Variants in GRIN2B observed in about 807,000 individuals in gnomAD.
The protein encoded by GRIN2B is glutamate ionotropic receptor NMDA type subunit 2B.
In GRIN2B, 5 loss-of-function variants were observed where a neutral mutation model predicts 114.5. The ratio of observed to expected loss-of-function variants is 0.04; its 90% CI spans 0.02 to 0.09. The LOEUF (loss-of-function observed/expected upper bound fraction) is 0.09. Among genes scored for constraint, GRIN2B ranks in the 10% least tolerant of loss-of-function variants. The pLI, the probability that GRIN2B is intolerant of heterozygous loss-of-function variation, is 1.00. For missense variants in GRIN2B, 1,108 were observed against 1,943.5 expected (o/e 0.57, Z 8.08); for synonymous variants, 787 against 745.1 (o/e 1.06, Z -0.92).
chr12:13,957,712 C>G (rs1302094649), intron 2 of GRIN2B, among the ~76,000 whole-genome samples: 1 of 152,158 alleles, frequency 6.6e-6, no homozygotes, highest in South Asian at 2.1e-4. Context: ...GCCGACTCCC[C>G]AGCACAGCAG....
chr12:13,894,267 G>A (rs1222535655), intron 2 of GRIN2B, among the ~76,000 whole-genome samples: 1 of 152,188 alleles, frequency 6.6e-6, no homozygotes, highest in Non-Finnish European at 1.5e-5. Flanking sequence ...GGCAGAAAAA[G>A]CTTTATATAC....
At position 13,562,699 on chromosome 12, in the gene GRIN2B, C is replaced by T. The variant is rs900906898; in HGVS notation, c.*84G>A. ...AAGGAGCAAATGGGAACCAAGTTCACCCCCGTCACCCTCCGTGACATGCGC... is the reference window on the plus strand; with the variant it reads ...AAGGAGCAAATGGGAACCAAGTTCATCCCCGTCACCCTCCGTGACATGCGC... On this transcript the variant is annotated 3_prime_UTR_variant, in exon 14 of 14. Coordinates refer to ENST00000609686, the MANE Select transcript of GRIN2B (RefSeq NM_000834.5). The T allele has an allele frequency of 5.3e-6, 6 of 1,135,558 alleles. No homozygotes were observed. The highest frequency in any genetic ancestry group is 5.1e-5 in the Admixed American group (3 of 58,832). 70.3% of individuals were successfully genotyped at this position (1,135,558 alleles called of 1,614,324 possible). A position where few individuals can be genotyped will look rare whatever the true frequency, so the allele number is the denominator to read the frequency against.
chr12:13,978,143 T>A (rs1400039994), intron 2 of GRIN2B, among the ~76,000 whole-genome samples: 1 of 152,204 alleles, frequency 6.6e-6, no homozygotes, highest in Non-Finnish European at 1.5e-5. Context: ...GCCCCATCAA[T>A]GCCCTCCTCT....
intron 3 of GRIN2B, among the ~76,000 whole-genome samples, chr12:13,757,083 C>T (rs1017683751): frequency 6.6e-6 from 1 of 152,202 alleles, no homozygotes; most frequent in Non-Finnish European, 1.5e-5. Flanking sequence ...CCTGATTCCT[C>T]TGCTCCGATT....
rs537442718 is a variant in GRIN2B, at chr12:13,919,411, A to T, written c.-18-53185T>A. Among the ~76,000 whole-genome samples, 4 of 152,300 alleles carry T rather than the reference A, an allele frequency of 2.6e-5. No individual in the cohort carries two copies. In the East Asian group the frequency reaches 7.7e-4, roughly 29 times the overall value. ...ATAAATTGAATCATTTGTTTCTCTC[A>T]CAACTTTTCTAAAATTCAAACTCTT... is the stretch of plus-strand genomic sequence containing the variant. On this transcript the variant is annotated intron_variant, in intron 2 of 13. Coordinates refer to ENST00000609686, the MANE Select transcript of GRIN2B (RefSeq NM_000834.5).
At chr12:13,656,558 T>C (rs1236903208) in intron 5 of GRIN2B, among the ~76,000 whole-genome samples, 1 of 152,170 alleles carries the variant, frequency 6.6e-6, no homozygotes, top group Non-Finnish European at 1.5e-5. Context: ...CTCTAGGTTG[T>C]TATTACTGAG....
Position 13,610,334 on chromosome 12 carries a change from G to T in GRIN2B, c.1780+1391C>A, listed in dbSNP as rs144410530. 3.2e-4 allele frequency among the ~76,000 whole-genome samples: 48 copies of T among 152,274 alleles called. No homozygotes were observed. In the East Asian group the frequency reaches 8.1e-3, roughly 26 times the overall value. ...GTAAAGTGAGTAATTGTAAGCCCTC[G>T]CTCTGAGCTTTCTTTGCAAATCTGG... On this transcript the variant is annotated intron_variant, in intron 9 of 13. Transcript: ENST00000609686.
intron 8 of GRIN2B, among the ~76,000 whole-genome samples, chr12:13,613,956 G>T (rs1228582858): frequency 6.9e-6 from 1 of 143,936 alleles, no homozygotes; most frequent in Non-Finnish European, 1.5e-5. Context: ...ATACTGACAA[G>T]GTTAGAATTA....
chr12:13,611,570 G>A (rs1028929522), intron 9 of GRIN2B, among the ~76,000 whole-genome samples, 155 bp downstream of exon 9: 18 of 152,190 alleles, frequency 1.2e-4, no homozygotes, highest in Non-Finnish European at 2.1e-4. Context: ...TATTTCTAAA[G>A]AGACGCCAAG....
chr12:13,642,758 G>A (rs1028236601), intron 5 of GRIN2B, among the ~76,000 whole-genome samples: 9 of 151,384 alleles, frequency 5.9e-5, no homozygotes, highest in African/African-American at 2.2e-4. Flanking sequence ...TTTCTCATGA[G>A]GTCCCCATCT....
At chr12:13,714,202 G>T (rs1182890513) in intron 4 of GRIN2B, among the ~76,000 whole-genome samples, 1 of 151,392 alleles carries the variant, frequency 6.6e-6, no homozygotes. Flanking sequence ...AAGTCTTATT[G>T]GGTGCTACCT....
chr12:13,603,791 C>A (rs1949199298), intron 10 of GRIN2B, among the ~76,000 whole-genome samples: 1 of 151,892 alleles, frequency 6.6e-6, no homozygotes, highest in Non-Finnish European at 1.5e-5. Flanking sequence ...CTGAGATTAG[C>A]TACAGGAGAA....
At chr12:13,905,076 T>C (rs1866515570) in intron 2 of GRIN2B, among the ~76,000 whole-genome samples, 1 of 152,206 alleles carries the variant, frequency 6.6e-6, no homozygotes, top group South Asian at 2.1e-4. Context: ...GCCATGTTTT[T>C]AAGTATGTAC....
At chr12:13,703,412 G>C (rs927058423) in intron 4 of GRIN2B, among the ~76,000 whole-genome samples, 1 of 152,092 alleles carries the variant, frequency 6.6e-6, no homozygotes, top group Admixed American at 6.6e-5. Context: ...AAAAAATGCA[G>C]TTAAGAAAAA....
Position 13,941,728 on chromosome 12 carries a change from G to T in GRIN2B, c.-19+38200C>A, listed in dbSNP as rs571900412. Among the ~76,000 whole-genome samples the T allele has an allele frequency of 6.6e-5, 10 of 152,354 alleles. No individual in the cohort carries two copies. In the East Asian group the frequency reaches 1.9e-3, roughly 29 times the overall value. ...GACCATCACTGCAGATTTCCAGTCT[G>T]TTAGCGTCCTAAGGACAAATGAAAA... On this transcript the variant is annotated intron_variant, in intron 2 of 13. Transcript: ENST00000609686.
chr12:13,651,641 C>T (rs1949814247), intron 5 of GRIN2B, among the ~76,000 whole-genome samples: 1 of 151,964 alleles, frequency 6.6e-6, no homozygotes, highest in African/African-American at 2.4e-5. Flanking sequence ...CTGATATTTC[C>T]CACTCAGTGT....
At chr12:13,654,067 T>C (rs1949841730) in intron 5 of GRIN2B, among the ~76,000 whole-genome samples, 1 of 152,116 alleles carries the variant, frequency 6.6e-6, no homozygotes, top group Non-Finnish European at 1.5e-5. Context: ...TACCTATGCT[T>C]CCAGTATTTT....
intron 2 of GRIN2B, among the ~76,000 whole-genome samples, chr12:13,933,106 C>G (rs1867068571): frequency 6.6e-6 from 1 of 152,134 alleles, no homozygotes; most frequent in Admixed American, 6.6e-5. Flanking sequence ...TTCCCCTTGC[C>G]CATTCAACCA....
At chr12:13,930,232 A>AT (rs917249683) in intron 2 of GRIN2B, among the ~76,000 whole-genome samples, 4 of 152,184 alleles carry the variant, frequency 2.6e-5, no homozygotes, top group African/African-American at 9.7e-5. Context: ...TATTAACCTT[A>AT]TTTTTTAATA....
Sources: gnomAD v4.1 joint callset for allele counts (sites outside exome capture counted in the v4.1 genomes callset) on GRCh38, gnomAD v4.1.1 for gene constraint, MANE v1.5 for transcripts, NCBI Gene and HGNC (gene_info 2026-07-23, HGNC 2026-07-21) for gene names.